RRBP1: variants seen among roughly 807,000 people sequenced by gnomAD.
The protein encoded by RRBP1 is ribosome-binding protein 1.
RRBP1 carries 94 observed loss-of-function variants against 165.2 expected under a neutral mutation model. That is an observed-to-expected ratio of 0.57 (90% CI 0.48 to 0.68). RRBP1 has a LOEUF of 0.68. Ranked by LOEUF, RRBP1 falls within the 30% of genes least tolerant of loss-of-function variation. RRBP1 has a pLI of 0.00. For missense variants in RRBP1, 1,676 were observed against 1,763.0 expected (o/e 0.95, Z 0.88); for synonymous variants, 680 against 714.5 (o/e 0.95, Z 0.77).
In RRBP1 at chr20:17,682,221, G is replaced by C. The variant is rs1176485586; in HGVS notation, c.-292C>G. 6.6e-6 allele frequency: 1 copy of C among 152,420 alleles called. No homozygotes were observed. The highest frequency in any genetic ancestry group is 1.9e-4 in the East Asian group (1 of 5,160). The allele number at this position is 152,420 out of a possible 1,614,324, so 9.4% of individuals were successfully genotyped here. Reference sequence around the variant, plus strand: ...GGCCGCTCGCTGGCTGCGTGCGCGCGTGTGGAGTCGTGGCACTTTCTGCCT... The same window carrying C: ...GGCCGCTCGCTGGCTGCGTGCGCGCCTGTGGAGTCGTGGCACTTTCTGCCT... On this transcript the variant is annotated 5_prime_UTR_variant, in exon 1 of 25. Coordinates refer to ENST00000377813, the MANE Select transcript of RRBP1 (RefSeq NM_001365613.2).
At chr20:17,627,001 C>G (rs907665089) in intron 11 of RRBP1, among the ~76,000 whole-genome samples, 1 of 152,178 alleles carries the variant, frequency 6.6e-6, no homozygotes, top group Non-Finnish European at 1.5e-5. Flanking sequence ...GACCTCAGCC[C>G]CTAAAATCCC....
rs372140370 is a variant in RRBP1, at chr20:17,633,617, C to A, written c.2457-4G>T. On this transcript the variant is annotated splice_region_variant and splice_polypyrimidine_tract_variant and intron_variant, in intron 7 of 24. Transcript: ENST00000377813. ...CTTGGCCAGCTCTGCGTTCTGCCTGCAAGACAGTCACCAGCCCGACTAATG... is the reference window on the plus strand; with the variant it reads ...CTTGGCCAGCTCTGCGTTCTGCCTGAAAGACAGTCACCAGCCCGACTAATG... The A allele has an allele frequency of 1.2e-6, 2 of 1,613,412 alleles. No individual in the cohort carries two copies. Among genetic ancestry groups the A allele is most frequent in the African/African-American group, 1.3e-5 (1 of 75,040 alleles).
intron 3 of RRBP1, among the ~76,000 whole-genome samples, chr20:17,655,611 G>A (rs1321747668): frequency 6.6e-6 from 1 of 152,108 alleles, no homozygotes; most frequent in African/African-American, 2.4e-5. Context: ...GGGGTGGTCC[G>A]AGGGACACCC....
chr20:17,621,734 G>C lies in RRBP1; in HGVS notation c.3280C>G (p.Pro1094Ala), dbSNP rs751105116. The change falls in exon 15 of 25, where the codon CCC becomes GCC. Residue 1094 changes from proline to alanine, a missense_variant. Pro to Ala is a conservative substitution (Grantham distance 27). This residue lies in a region of RRBP1 where 1,184 missense variants were observed against 1,167.1 expected (regional missense o/e 1.01). Transcript: ENST00000377813. ...EWLQDLKEKGPTLLKHPPAPA... is the reference protein window; with the variant it reads ...EWLQDLKEKGATLLKHPPAPA... ...GCTGGCGGGTGCTTCAGCAGCGTGG[G>C]GCCTTTCTCTTTGAGATCCTGCAGC... The C allele has an allele frequency of 6.2e-7, 1 of 1,613,852 alleles. No homozygotes were observed. The highest frequency in any genetic ancestry group is 8.5e-7 in the Non-Finnish European group (1 of 1,180,030).
chr20:17,630,290 C>T (rs1281951578), intron 8 of RRBP1, among the ~76,000 whole-genome samples: 1 of 152,190 alleles, frequency 6.6e-6, no homozygotes, highest in African/African-American at 2.4e-5. Context: ...AAACTAGCGA[C>T]ATTTCCCAAT....
chr20:17,633,577 G>A lies in RRBP1; in HGVS notation c.2493C>T (p.Leu831=). The A allele has an allele frequency of 6.2e-7, 1 of 1,614,024 alleles. No homozygotes were observed. The highest frequency in any genetic ancestry group is 8.5e-7 in the Non-Finnish European group (1 of 1,180,024). ...CCACCAGCTCTTTGCTGACCTTGCTGAGCTCCTGCCGAAGCTTGGCCAGCT... is the reference window on the plus strand; with the variant it reads ...CCACCAGCTCTTTGCTGACCTTGCTAAGCTCCTGCCGAAGCTTGGCCAGCT... ...NAELAKLRQE[L]SKVSKELVEK... is the part of the protein sequence containing the mutation. Residue 831 remains leucine, a synonymous_variant, in exon 8 of 25, where the codon CTC becomes CTT. Coordinates refer to ENST00000377813, the MANE Select transcript of RRBP1 (RefSeq NM_001365613.2).
rs756177033 is a variant in RRBP1, at chr20:17,615,969, T to C, written c.3908A>G (p.Asp1303Gly). 1.2e-6 allele frequency: 2 copies of C among 1,609,406 alleles called. No individual in the cohort carries two copies. Among genetic ancestry groups the C allele is most frequent in the South Asian group, 2.2e-5 (2 of 91,070 alleles). Residue 1303 changes from aspartate to glycine, a missense_variant, in exon 22 of 25, where the codon GAT becomes GGT. Asp to Gly is a moderately conservative substitution (Grantham distance 94). This residue lies in a region of RRBP1 where 1,184 missense variants were observed against 1,167.1 expected (regional missense o/e 1.01). Transcript: ENST00000377813. ...GAGCTTCTGCCGCTGTGTCTGCTCATCCTCCAGGATGGCTTCTGTCCACTC... is the reference window on the plus strand; with the variant it reads ...GAGCTTCTGCCGCTGTGTCTGCTCACCCTCCAGGATGGCTTCTGTCCACTC... ...QLEWTEAILE[D>G]EQTQRQKLTA... is the part of the protein sequence containing the mutation.
Position 17,627,364 on chromosome 20 carries a change from C to G in RRBP1, c.2947G>C (p.Asp983His), listed in dbSNP as rs928753090. ...CCAGCTTACCGAGTCTGCTGCTGGT[C>G]AGCCTCCGCCTGGCTGGCCTGGAAT... Reference protein sequence around the residue: ...QDVQASQAEADQQQTRLKELE... With the variant: ...QDVQASQAEAHQQQTRLKELE... Residue 983 changes from aspartate to histidine, a missense_variant, in exon 11 of 25, where the codon GAC becomes CAC. Around this residue, in one of 5 missense-constraint regions of RRBP1, gnomAD observed 1,184 missense variants for 1,167.1 expected, o/e 1.01. Transcript: ENST00000377813. 1.9e-6 allele frequency: 3 copies of G among 1,613,662 alleles called. No individual in the cohort carries two copies. The highest frequency in any genetic ancestry group is 2.5e-6 in the Non-Finnish European group (3 of 1,179,968).
At chr20:17,675,218 C>A (rs2037055555) in intron 2 of RRBP1, among the ~76,000 whole-genome samples, 1 of 152,244 alleles carries the variant, frequency 6.6e-6, no homozygotes, top group African/African-American at 2.4e-5. Flanking sequence ...CAACTGGAGG[C>A]AGGCTGGAGG....
chr20:17,646,079 G>C (rs1312830632), intron 3 of RRBP1, among the ~76,000 whole-genome samples: 1 of 152,174 alleles, frequency 6.6e-6, no homozygotes, highest in African/African-American at 2.4e-5. Flanking sequence ...AGGCCCTGCA[G>C]GAATGGGACA....
At chr20:17,620,934 C>A in intron 16 of RRBP1, 127 bp from the exon 17 acceptor site, 1 of 690,782 alleles carries the variant, frequency 1.4e-6, no homozygotes, top group Non-Finnish European at 2.4e-6. Context: ...TGAGCGCCAG[C>A]GTTAGGTGGG....
chr20:17,627,286 A>G, intron 11 of RRBP1, 62 bp downstream of exon 11: 5 of 1,575,142 alleles, frequency 3.2e-6, no homozygotes, highest in Non-Finnish European at 4.3e-6. Context: ...CTGGCCCCCC[A>G]AGGGTCTTTG....
At chr20:17,622,829 G>A (rs2035940466) in intron 13 of RRBP1, 1 of 152,204 alleles carries the variant, frequency 6.6e-6, no homozygotes, top group South Asian at 2.1e-4. Context: ...AAGACCCAGG[G>A]AGGCCCCAGG....
intron 18 of RRBP1, 26 bp from the exon 19 acceptor site, chr20:17,619,754 C>G (rs761309132): frequency 7.1e-6 from 11 of 1,541,396 alleles, no homozygotes; most frequent in Middle Eastern, 1.7e-4. Context: ...GACACGCACA[C>G]GCATGCGCCA....
At chr20:17,648,980 C>A (rs1244591568) in intron 3 of RRBP1, among the ~76,000 whole-genome samples, 1 of 152,178 alleles carries the variant, frequency 6.6e-6, no homozygotes, top group Non-Finnish European at 1.5e-5. Flanking sequence ...TGACCGGAGT[C>A]CCAGCCTCAA....
chr20:17,616,874 G>A (rs1427294654), intron 20 of RRBP1, 35 bp from the exon 21 acceptor site: 1 of 1,504,368 alleles, frequency 6.6e-7, no homozygotes, highest in South Asian at 1.1e-5. Flanking sequence ...CAAATGCACA[G>A]CCAGTCGCAC....
At chr20:17,673,407 C>A (rs1217212535) in intron 2 of RRBP1, among the ~76,000 whole-genome samples, 1 of 152,114 alleles carries the variant, frequency 6.6e-6, no homozygotes, top group Non-Finnish European at 1.5e-5. Context: ...GTCCTGAAGT[C>A]TTTCTTTTTT....
intron 5 of RRBP1, among the ~76,000 whole-genome samples, chr20:17,638,554 T>C (rs2036289137): frequency 6.6e-6 from 1 of 152,216 alleles, no homozygotes; most frequent in Non-Finnish European, 1.5e-5. Flanking sequence ...TCTAGGCTTT[T>C]TAAAGAGCAG....
chr20:17,635,428 C>T (rs777878038), intron 7 of RRBP1, 118 bp downstream of exon 7: 11 of 739,754 alleles, frequency 1.5e-5, no homozygotes, highest in East Asian at 2.6e-5. Flanking sequence ...AGGACGGCTC[C>T]GCACACATGT....
Sources: gnomAD v4.1 joint callset for allele counts (sites outside exome capture counted in the v4.1 genomes callset) on GRCh38, gnomAD v4.1.1 for gene constraint, gnomAD v4.1.1 regional missense constraint, MANE v1.5 for transcripts, NCBI Gene and HGNC (gene_info 2026-07-23, HGNC 2026-07-21) for gene names.